The following ZFAND3 variants were observed in gnomAD, a reference collection of about 807,000 sequenced individuals.
ZFAND3 encodes zinc finger AN1-type containing 3.
A neutral mutation model predicts 29.6 loss-of-function variants in ZFAND3; 10 were observed. The ratio of observed to expected loss-of-function variants is 0.34; its 90% CI spans 0.21 to 0.57. The LOEUF (loss-of-function observed/expected upper bound fraction) is 0.57, where lower values mean the gene tolerates loss of function less well. ZFAND3 is among the 20% of genes least tolerant of loss of function. The probability of loss-of-function intolerance (pLI) is 0.86; values close to 1 mark genes in which losing one functional copy is unlikely to be tolerated. For missense variants in ZFAND3, 230 were observed against 304.5 expected (o/e 0.76, Z 1.82); for synonymous variants, 128 against 112.6 (o/e 1.14, Z -0.87).
chr6:37,995,914 G>A (rs888970983), intron 2 of ZFAND3, among the ~76,000 whole-genome samples: 1 of 152,094 alleles, frequency 6.6e-6, no homozygotes, highest in Admixed American at 6.5e-5. Flanking sequence ...ATCACTTGAG[G>A]TCAGAAGTTT....
chr6:37,880,037 C>T (rs1226705923), intron 1 of ZFAND3, among the ~76,000 whole-genome samples: 1 of 152,076 alleles, frequency 6.6e-6, no homozygotes, highest in Non-Finnish European at 1.5e-5. Flanking sequence ...CATTTTTGTT[C>T]AGATAAGAGA....
At chr6:38,067,789 CT>C (rs113882577) in intron 3 of ZFAND3, among the ~76,000 whole-genome samples, 20 of 152,286 alleles carry the variant, frequency 1.3e-4, no homozygotes, top group African/African-American at 4.8e-4. Context: ...CCTCTTAGCT[CT>C]TTATACAAGT....
chr6:38,072,136 TTCTCTCTCTCTCTC>T (rs56193979), intron 3 of ZFAND3, among the ~76,000 whole-genome samples: 2 of 131,522 alleles, frequency 1.5e-5, no homozygotes, highest in Admixed American at 1.5e-4. Flanking sequence ...CATTTTCTGT[TTCTCTCTCTCTCTC>T]TCTCTCTCTC....
At chr6:38,006,431 A>G (rs181273115) in intron 2 of ZFAND3, among the ~76,000 whole-genome samples, 30 of 152,302 alleles carry the variant, frequency 2.0e-4, no homozygotes, top group African/African-American at 7.2e-4. Context: ...TTTTTAAATT[A>G]AATATAAATT....
At chr6:37,921,839 A>G (rs1761386112) in intron 1 of ZFAND3, among the ~76,000 whole-genome samples, 2 of 150,728 alleles carry the variant, frequency 1.3e-5, no homozygotes, top group African/African-American at 4.9e-5. Context: ...TGAGCTCACT[A>G]GTCAGAGACC....
At chr6:38,028,339 A>C (rs994304822) in intron 2 of ZFAND3, among the ~76,000 whole-genome samples, 1 of 152,114 alleles carries the variant, frequency 6.6e-6, no homozygotes, top group African/African-American at 2.4e-5. Flanking sequence ...AGTGTAGTAG[A>C]TATATTATTA....
chr6:37,877,784 G>C (rs1305163879), intron 1 of ZFAND3, among the ~76,000 whole-genome samples: 1 of 152,184 alleles, frequency 6.6e-6, no homozygotes, highest in Non-Finnish European at 1.5e-5. Flanking sequence ...GGGAACTACT[G>C]ATATTGAGAG....
intron 2 of ZFAND3, among the ~76,000 whole-genome samples, chr6:37,938,506 T>C (rs1761744107): frequency 6.6e-6 from 1 of 152,092 alleles, no homozygotes; most frequent in African/African-American, 2.4e-5. Context: ...TCTCTCTCTC[T>C]TTTTTTCAGC....
At chr6:37,876,827 C>A (rs761949639) in intron 1 of ZFAND3, among the ~76,000 whole-genome samples, 1 of 152,064 alleles carries the variant, frequency 6.6e-6, no homozygotes, top group Non-Finnish European at 1.5e-5. Context: ...GATCTTTTTG[C>A]CTGTGAGATT....
intron 3 of ZFAND3, among the ~76,000 whole-genome samples, chr6:38,079,824 T>A (rs1303624412): frequency 2.0e-5 from 3 of 152,098 alleles, no homozygotes; most frequent in Non-Finnish European, 4.4e-5. Context: ...TCCTCCTATG[T>A]CCACCCCAAT....
intron 2 of ZFAND3, among the ~76,000 whole-genome samples, chr6:37,990,139 G>A (rs1287063314): frequency 3.3e-5 from 5 of 152,164 alleles, no homozygotes; most frequent in African/African-American, 1.2e-4. Flanking sequence ...CCCACCTCCA[G>A]AATTTGACTC....
chr6:38,023,839 A>G (rs746903230), intron 2 of ZFAND3, among the ~76,000 whole-genome samples: 2 of 152,158 alleles, frequency 1.3e-5, no homozygotes, highest in Non-Finnish European at 1.5e-5. Context: ...AAATTACTCC[A>G]TTATTAGGGG....
intron 1 of ZFAND3, among the ~76,000 whole-genome samples, chr6:37,893,711 G>A (rs778522455): frequency 3.3e-5 from 5 of 152,034 alleles, no homozygotes; most frequent in Non-Finnish European, 7.4e-5. Context: ...ATGCCACAAT[G>A]CCCAGCTGAT....
rs1349834800 is a variant in ZFAND3 at position 37,819,836 on chromosome 6, TC to T, written c.-104del. The stretch of plus-strand genomic sequence containing the variant: ...CGCCCGCGCGCCCGCTCCTTCCCCC[TC>T]CCCCCGCCCCGAGCCCCCCGACGCC... On this transcript the variant is annotated 5_prime_UTR_variant, in exon 1 of 6. Coordinates refer to ENST00000287218, the MANE Select transcript of ZFAND3 (RefSeq NM_021943.3). 1.8e-5 allele frequency: 5 copies of T among 277,586 alleles called. No homozygotes were observed. Among genetic ancestry groups the T allele is most frequent in the Non-Finnish European group, 2.2e-5 (4 of 182,324 alleles). 17.2% of individuals were successfully genotyped at this position (277,586 alleles called of 1,614,324 possible).
At chr6:37,870,210 G>A (rs1217216755) in intron 1 of ZFAND3, among the ~76,000 whole-genome samples, 1 of 149,062 alleles carries the variant, frequency 6.7e-6, no homozygotes, top group African/African-American at 2.5e-5. Flanking sequence ...TTGTGAGCCC[G>A]ATGTGGGAGG....
intron 1 of ZFAND3, among the ~76,000 whole-genome samples, chr6:37,879,304 T>C (rs972158926): frequency 2.0e-5 from 3 of 152,218 alleles, no homozygotes; most frequent in African/African-American, 7.2e-5. Context: ...TTACCTCTAA[T>C]TCCAAATGCA....
intron 1 of ZFAND3, among the ~76,000 whole-genome samples, chr6:37,826,459 T>C (rs1488834122): frequency 6.6e-6 from 1 of 152,126 alleles, no homozygotes; most frequent in African/African-American, 2.4e-5. Flanking sequence ...AGGAACTTTA[T>C]TTACAGTGTC....
intron 2 of ZFAND3, among the ~76,000 whole-genome samples, chr6:37,966,664 T>C (rs1235911148): frequency 6.6e-6 from 1 of 152,194 alleles, no homozygotes. Flanking sequence ...AGCTTGATGC[T>C]CTATCACTCC....
At chr6:37,893,057 G>T (rs1003853314) in intron 1 of ZFAND3, among the ~76,000 whole-genome samples, 1 of 151,676 alleles carries the variant, frequency 6.6e-6, no homozygotes, top group Non-Finnish European at 1.5e-5. Flanking sequence ...ACACACACAC[G>T]CATGCACACA....
Sources: allele counts gnomAD v4.1 joint callset (sites outside exome capture counted in the v4.1 genomes callset), GRCh38; gene constraint gnomAD v4.1.1; transcripts MANE v1.5; gene names NCBI Gene and HGNC (gene_info 2026-07-23, HGNC 2026-07-21).